Variants in SUN2 observed in about 807,000 individuals in gnomAD.
The protein encoded by SUN2 is Sad1 and UNC84 domain containing 2.
Under a neutral mutation model 100.0 loss-of-function variants are expected in SUN2, and 60 were observed. The observed-to-expected ratio is 0.60, with a 90% CI of 0.49 to 0.74. The LOEUF (loss-of-function observed/expected upper bound fraction) is 0.74. SUN2 is among the 30% of genes least tolerant of loss of function. The pLI is 0.00. For synonymous variants in SUN2, 367 were observed against 403.3 expected (o/e 0.91, Z 1.08); for missense variants, 834 against 954.6 (o/e 0.87, Z 1.66).
Position 38,740,392 on chromosome 22 carries a change from G to A in SUN2, c.1231C>T (p.Leu411=). The change falls in exon 12 of 18, where the codon CTG becomes TTG. Residue 411 remains leucine, a synonymous_variant. Transcript: ENST00000689035. The surrounding 1 kb of genome is among the most constrained non-coding windows in gnomAD (Gnocchi z 4.8). ...ESFQESSVKE[L]RRLEDQLAGL... ...GCCAGCTGGTCCTCCAGCCGCCTCA[G>A]CTCCTTCACAGAGCTCTCCTGGAAG... 1.3e-6 allele frequency: 2 copies of A among 1,573,348 alleles called. No individual in the cohort carries two copies. Among genetic ancestry groups the A allele is most frequent in the Non-Finnish European group, 1.7e-6 (2 of 1,158,418 alleles).
At chr22:38,754,603 T>TGGGGTGGGGGGGGG in intron 1 of SUN2, 1 of 889,150 alleles carries the variant, frequency 1.1e-6, no homozygotes, top group African/African-American at 1.7e-5. Context: ...TAAGGTAATC[T>TGGGGTGGGGGGGGG]CCCCTCCCCC....
chr22:38,749,634 T>G, intron 6 of SUN2, 132 bp downstream of exon 6: 1 of 815,766 alleles, frequency 1.2e-6, no homozygotes, highest in South Asian at 1.8e-5. Context: ...AGCTACTCCG[T>G]GATCGCTAAT....
In SUN2 at chr22:38,738,216, G is replaced by A. The variant is rs755259603; in HGVS notation, c.1997C>T (p.Thr666Ile). 25 of 1,613,888 alleles carry A rather than the reference G, an allele frequency of 1.5e-5. No homozygotes were observed. The East Asian group carries it at 5.3e-4, about 35-fold the overall frequency. Residue 666 changes from threonine (T) to isoleucine (I), a missense_variant, in exon 17 of 18, where the codon ACT (threonine) becomes ATT (isoleucine). Transcript: ENST00000689035. This position sits in a 1 kb window ranked among gnomAD's most constrained non-coding sequence, Gnocchi z 6.6. ...QQEGTLLGKF[T>I]YDQDGEPIQT... is the part of the protein sequence containing the mutation. The stretch of plus-strand genomic sequence containing the variant: ...AATAGGCTCGCCGTCCTGATCGTAA[G>A]TGAACTTGCCAAGGAGTGTCCCCTC...
At chr22:38,751,494 G>A (rs1163800223) in intron 2 of SUN2, 121 bp from the exon 3 acceptor site, 1 of 1,000,780 alleles carries the variant, frequency 1.0e-6, no homozygotes, top group African/African-American at 1.6e-5. Flanking sequence ...TTGTTGCTAG[G>A]CAACTCGCAG....
Position 38,742,153 on chromosome 22 carries a change from AAAAAAAAG to A in SUN2, c.1068+140_1068+147del, listed in dbSNP as rs1603220430. ...GTGAGATATTGTCTCAAAAAGAAAA[AAAAAAAAG>A]AAAAAAAGAGAAAGGGAGTAACTGC... On this transcript the variant is annotated intron_variant, in intron 9 of 17. Coordinates refer to ENST00000689035, the MANE Select transcript of SUN2 (RefSeq NM_015374.3). 49 of 1,102,548 alleles carry A rather than the reference AAAAAAAAG, an allele frequency of 4.4e-5. 1 individual carries two copies. In the South Asian group the frequency reaches 7.9e-4, roughly 18 times the overall value. 68.3% of individuals were successfully genotyped at this position (1,102,548 alleles called of 1,614,324 possible).
At chr22:38,742,026 C>T (rs1569298053) in intron 9 of SUN2, among the ~76,000 whole-genome samples, 1 of 152,020 alleles carries the variant, frequency 6.6e-6, no homozygotes, top group East Asian at 1.9e-4. Flanking sequence ...TGTAATCCAG[C>T]TACTCGGGAG....
intron 9 of SUN2, 115 bp downstream of exon 9, chr22:38,742,186 C>T: frequency 7.4e-7 from 1 of 1,347,082 alleles, no homozygotes; most frequent in Non-Finnish European, 1.0e-6. Flanking sequence ...GGAGTAACTG[C>T]AAAATGGCAG....
At chr22:38,746,525 G>A (rs1303919007) in intron 7 of SUN2, among the ~76,000 whole-genome samples, 1 of 152,232 alleles carries the variant, frequency 6.6e-6, no homozygotes, top group South Asian at 2.1e-4. Flanking sequence ...GCAAAAGGAA[G>A]CTCATGCCCA....
At position 38,740,767 on chromosome 22, in the gene SUN2, G is replaced by T; in HGVS notation, c.1190+240C>A. 1 of 597,846 alleles carries T rather than the reference G, an allele frequency of 1.7e-6. No individual in the cohort carries two copies. The highest frequency in any genetic ancestry group is 3.0e-6 in the Non-Finnish European group (1 of 335,684). 37.0% of individuals were successfully genotyped at this position (597,846 alleles called of 1,614,324 possible). On this transcript the variant is annotated intron_variant, in intron 11 of 17. Coordinates refer to ENST00000689035, the MANE Select transcript of SUN2 (RefSeq NM_015374.3). The surrounding 1 kb of genome is among the most constrained non-coding windows in gnomAD (Gnocchi z 4.8). ...AAGAAAGGATGCTGTGTCTATAAAT[G>T]AATCCCGGTCCTCTCACACAGCCTG...
At position 38,738,459 on chromosome 22, in the gene SUN2, A is replaced by G; in HGVS notation, c.1947+128T>C. ...GGACTGAAGTGCTGTCTCCCACCCT[A>G]GCTCCTCCTCTTCCAAATCCACTCC... On this transcript the variant is annotated intron_variant, in intron 16 of 17. Transcript: ENST00000689035. This position sits in a 1 kb window ranked among gnomAD's most constrained non-coding sequence, Gnocchi z 6.6. The G allele has an allele frequency of 7.6e-7, 1 of 1,321,244 alleles. No individual in the cohort carries two copies. Among genetic ancestry groups the G allele is most frequent in the South Asian group, 1.3e-5 (1 of 74,274 alleles). 81.8% of individuals were successfully genotyped at this position (1,321,244 alleles called of 1,614,324 possible). A position where few individuals can be genotyped will look rare whatever the true frequency, so the allele number is the denominator to read the frequency against.
rs917501184 is a variant in SUN2 at position 38,735,150 on chromosome 22, C to A, written c.*1117G>T. 4.7e-6 allele frequency: 2 copies of A among 424,168 alleles called. No homozygotes were observed. The highest frequency in any genetic ancestry group is 9.3e-6 in the Non-Finnish European group (2 of 215,064). The allele number at this position is 424,168 out of a possible 1,614,324, so 26.3% of individuals were successfully genotyped here. ...GTGGGGCCTGCTGGCTCTAAAAGTC[C>A]CCTCCTCCCCCTTCCCTATCCAGGG... On this transcript the variant is annotated 3_prime_UTR_variant, in exon 18 of 18. Transcript: ENST00000689035.
At chr22:38,747,200 C>T (rs1169065764) in intron 7 of SUN2, among the ~76,000 whole-genome samples, 12 of 151,748 alleles carry the variant, frequency 7.9e-5, no homozygotes, top group Non-Finnish European at 1.5e-4. Context: ...GGCGTGGTGG[C>T]ATGCACCTGT....
Position 38,755,876 on chromosome 22 carries a change from A to G in SUN2, c.-151T>C. 2.0e-6 allele frequency: 2 copies of G among 981,948 alleles called. No individual in the cohort carries two copies. The highest frequency in any genetic ancestry group is 9.4e-5 in the South Asian group (2 of 21,300). The allele number at this position is 981,948 out of a possible 1,614,324, so 60.8% of individuals were successfully genotyped here. On this transcript the variant is annotated 5_prime_UTR_variant, in exon 1 of 18. Transcript: ENST00000689035. This position sits in a 1 kb window ranked among gnomAD's most constrained non-coding sequence, Gnocchi z 5.7. ...CGGGCGGCGCTCCGCTCAGGGCGAC[A>G]CAGCGGCCGGGCCCGGGGCGCGCGG...
intron 9 of SUN2, 107 bp downstream of exon 9, chr22:38,742,194 C>A: frequency 7.2e-7 from 1 of 1,390,686 alleles, no homozygotes; most frequent in Non-Finnish European, 9.7e-7. Context: ...TGCAAAATGG[C>A]AGAGCTGTCT....
chr22:38,746,729 A>G (rs1474830615), intron 7 of SUN2, among the ~76,000 whole-genome samples: 1 of 152,226 alleles, frequency 6.6e-6, no homozygotes, highest in Non-Finnish European at 1.5e-5. Flanking sequence ...TTGCTATGCA[A>G]TTATAAAGAA....
intron 8 of SUN2, among the ~76,000 whole-genome samples, chr22:38,745,319 T>C (rs1198954602): frequency 1.3e-5 from 2 of 152,128 alleles, no homozygotes; most frequent in Admixed American, 1.3e-4. Context: ...ATTGCTTCTC[T>C]TTTCTCAGAC....
chr22:38,737,355 C>T lies in SUN2; in HGVS notation c.2040+818G>A, dbSNP rs775975626. ...CCCACCCCATCCAACTGGACATTCA[C>T]GACCCTCCCTGCTACGTCTTTGTCC... On this transcript the variant is annotated intron_variant, in intron 17 of 17. Transcript: ENST00000689035. The surrounding 1 kb of genome is among the most constrained non-coding windows in gnomAD (Gnocchi z 4.1). Among the ~76,000 whole-genome samples, 20 of 152,044 alleles carry T rather than the reference C, an allele frequency of 1.3e-4. No individual in the cohort carries two copies. Among genetic ancestry groups the T allele is most frequent in the Non-Finnish European group, 2.5e-4 (17 of 68,004 alleles).
In SUN2 at chr22:38,738,892, G is replaced by T. The variant is rs1418271259; in HGVS notation, c.1760C>A (p.Ser587Ter). The change falls in exon 15 of 18, where the codon TCA (serine) becomes TAA (stop). Residue 587 changes from serine to a stop codon, truncating the protein, a stop_gained. Transcript: ENST00000689035. LOFTEE classifies it high-confidence loss of function. This position sits in a 1 kb window ranked among gnomAD's most constrained non-coding sequence, Gnocchi z 6.6. ...GCCCACCTGGAGGATGACTCGGGGT[G>T]ACTGGGAGTGGTACCACAGGGGGAT... Reference protein sequence around the residue: ...FGIPLWYHSQSPRVILQPDVH... With the variant: ...FGIPLWYHSQ 6.2e-7 allele frequency: 1 copy of T among 1,608,258 alleles called. No homozygotes were observed. Among genetic ancestry groups the T allele is most frequent in the Non-Finnish European group, 8.5e-7 (1 of 1,176,102 alleles).
intron 8 of SUN2, 91 bp downstream of exon 8, chr22:38,745,593 C>G (rs748959539): frequency 2.0e-6 from 3 of 1,518,490 alleles, no homozygotes; most frequent in Non-Finnish European, 2.7e-6. Flanking sequence ...TTTGTGTGTA[C>G]GGTGTGAGGC....
Sources: gnomAD v4.1 joint callset for allele counts (sites outside exome capture counted in the v4.1 genomes callset) on GRCh38, gnomAD v4.1.1 for gene constraint, Gnocchi (gnomAD v3.1) non-coding constraint, MANE v1.5 for transcripts, NCBI Gene and HGNC (gene_info 2026-07-23, HGNC 2026-07-21) for gene names.